The following COG5 variants were observed in gnomAD, a reference collection of about 807,000 sequenced individuals.
COG5 encodes the protein component of oligomeric golgi complex 5, also known as conserved oligomeric Golgi complex subunit 5.
COG5 carries 86 observed loss-of-function variants against 110.4 expected under a neutral mutation model. The ratio of observed to expected loss-of-function variants is 0.78; its 90% CI spans 0.65 to 0.93. COG5 has a LOEUF of 0.93. COG5 is among the 40% of genes least tolerant of loss of function. The pLI is 0.00. For missense variants in COG5, 1,077 were observed against 987.0 expected (o/e 1.09, Z -1.22); for synonymous variants, 360 against 334.6 (o/e 1.08, Z -0.83).
At chr7:107,308,301 T>C (rs1001952686) in intron 11 of COG5, among the ~76,000 whole-genome samples, 1 of 152,166 alleles carries the variant, frequency 6.6e-6, no homozygotes, top group African/African-American at 2.4e-5. Context: ...GTCTTACTCT[T>C]AGAGACTCTA....
chr7:107,480,283 T>C (rs1251995587), intron 6 of COG5, among the ~76,000 whole-genome samples: 1 of 152,112 alleles, frequency 6.6e-6, no homozygotes, highest in Admixed American at 6.6e-5. Flanking sequence ...CATAAAATAA[T>C]GTATTTCTTT....
chr7:107,234,090 C>T (rs1800974509), intron 18 of COG5, among the ~76,000 whole-genome samples: 1 of 152,168 alleles, frequency 6.6e-6, no homozygotes, highest in Admixed American at 6.5e-5. Context: ...AGGACTGGAG[C>T]CATCCCCAAG....
chr7:107,560,314 A>G (rs1478774117), intron 1 of COG5, among the ~76,000 whole-genome samples: 8 of 152,230 alleles, frequency 5.3e-5, no homozygotes, highest in Non-Finnish European at 1.0e-4. Flanking sequence ...CTATGTTAAC[A>G]GCCTAAGACA....
chr7:107,406,591 A>C (rs1791855648), intron 7 of COG5, among the ~76,000 whole-genome samples: 1 of 152,100 alleles, frequency 6.6e-6, no homozygotes, highest in Non-Finnish European at 1.5e-5. Flanking sequence ...TTTAGAAACA[A>C]CTAGGCTAGA....
chr7:107,510,434 T>C (rs569987131), intron 6 of COG5, among the ~76,000 whole-genome samples: 12 of 152,208 alleles, frequency 7.9e-5, no homozygotes, highest in African/African-American at 2.6e-4. Flanking sequence ...CTTAGACTCC[T>C]ACACAATAAT....
At chr7:107,275,196 C>T (rs531589657) in intron 14 of COG5, among the ~76,000 whole-genome samples, 1 of 151,728 alleles carries the variant, frequency 6.6e-6, no homozygotes, top group South Asian at 2.1e-4. Flanking sequence ...GAGGGCCAGG[C>T]GCAGTGGCTC....
chr7:107,512,590 T>G (rs1345274545), intron 6 of COG5, among the ~76,000 whole-genome samples: 5 of 152,120 alleles, frequency 3.3e-5, no homozygotes, highest in African/African-American at 9.7e-5. Flanking sequence ...CATTGCCAAG[T>G]CAATCCTAAG....
chr7:107,240,969 G>T (rs1486928932), intron 17 of COG5, among the ~76,000 whole-genome samples: 1 of 151,880 alleles, frequency 6.6e-6, no homozygotes, highest in East Asian at 1.9e-4. Context: ...AAGCAACTGG[G>T]AAAAAAAATA....
intron 5 of COG5, among the ~76,000 whole-genome samples, chr7:107,533,098 G>T (rs1468635270): frequency 1.3e-5 from 2 of 148,728 alleles, no homozygotes; most frequent in Non-Finnish European, 2.9e-5. Context: ...ACTGTTAGAA[G>T]AAAAACTAAT....
At chr7:107,212,529 T>G (rs1204586739) in intron 19 of COG5, among the ~76,000 whole-genome samples, 2 of 152,260 alleles carry the variant, frequency 1.3e-5, no homozygotes, top group Non-Finnish European at 2.9e-5. Flanking sequence ...AAGTCCTCTG[T>G]ATGGATGACA....
rs1196095235 is a variant in COG5, at chr7:107,283,635, G to T, written c.1411C>A (p.Pro471Thr). Residue 471 changes from proline (P) to threonine (T), a missense_variant, in exon 13 of 22, where the codon CCC becomes ACC. Physicochemically the swap from Pro to Thr is conservative, Grantham distance 38. Transcript: ENST00000297135. ...RLFDPINLVF[P>T]PGGRNPPSSD... ...GAAGGAGGATTACGACCACCCGGGG[G>T]AAAAACCAAGTTGATAGGATCGAAG... 1 of 1,613,900 alleles carries T rather than the reference G, an allele frequency of 6.2e-7. No individual in the cohort carries two copies. The highest frequency in any genetic ancestry group is 1.3e-5 in the African/African-American group (1 of 75,014).
chr7:107,456,707 C>T (rs1412188484), intron 6 of COG5, among the ~76,000 whole-genome samples: 3 of 152,168 alleles, frequency 2.0e-5, no homozygotes, highest in African/African-American at 2.4e-5. Flanking sequence ...TATAAATGTA[C>T]ACAGTGAGAC....
chr7:107,427,647 TCAGCCC>T (rs1793738114), intron 6 of COG5, among the ~76,000 whole-genome samples: 1 of 151,960 alleles, frequency 6.6e-6, no homozygotes, highest in Non-Finnish European at 1.5e-5. Context: ...GAAGCCTCGC[TCAGCCC>T]CAGGCCTGCC....
intron 19 of COG5, among the ~76,000 whole-genome samples, chr7:107,228,969 A>G (rs1339456643): frequency 2.0e-5 from 3 of 152,128 alleles, no homozygotes; most frequent in African/African-American, 7.2e-5. Flanking sequence ...AGTTTCCAGT[A>G]CTGAGTTGGT....
chr7:107,496,129 C>A (rs1380767622), intron 6 of COG5, among the ~76,000 whole-genome samples: 2 of 151,730 alleles, frequency 1.3e-5, no homozygotes, highest in African/African-American at 4.8e-5. Context: ...CAACTCTTCC[C>A]AAAAATTAAA....
chr7:107,244,770 A>G (rs184427346), intron 17 of COG5, among the ~76,000 whole-genome samples: 76 of 152,338 alleles, frequency 5.0e-4, no homozygotes, highest in African/African-American at 1.8e-3. Flanking sequence ...TTCCCTGAAC[A>G]GACTAATAAT....
chr7:107,236,505 A>G lies in COG5; in HGVS notation c.2036T>C (p.Leu679Pro), dbSNP rs975245291. The G allele has an allele frequency of 2.3e-5, 37 of 1,614,094 alleles. No individual in the cohort carries two copies. The highest frequency in any genetic ancestry group is 2.7e-5 in the Non-Finnish European group (32 of 1,180,040). Residue 679 changes from leucine to proline, a missense_variant, in exon 18 of 22, where the codon CTC becomes CCC. Physicochemically the swap from Leu to Pro is moderately conservative, Grantham distance 98. Transcript: ENST00000297135. ...AVELFIRHAS[L>P]IRPLGEGGKM... Reference sequence around the variant, plus strand: ...CCCACCTTCACCAAGAGGTCTTATGAGACTGGCATGGCGGATAAAAAGTTC... The same window carrying G: ...CCCACCTTCACCAAGAGGTCTTATGGGACTGGCATGGCGGATAAAAAGTTC...
intron 6 of COG5, among the ~76,000 whole-genome samples, chr7:107,493,334 T>C (rs1276390723): frequency 2.6e-5 from 4 of 152,174 alleles, no homozygotes; most frequent in African/African-American, 4.8e-5. Context: ...AGTAAGATAC[T>C]ATCCTTTAGC....
chr7:107,535,923 C>A lies in COG5; in HGVS notation c.418-8566G>T, dbSNP rs111832960. ...AAATCCTCAATAAAATACTGGCAAA[C>A]TGAATCCAGCAGCACATTAAAAAGC... On this transcript the variant is annotated intron_variant, in intron 5 of 21. Coordinates refer to ENST00000297135, the MANE Select transcript of COG5 (RefSeq NM_006348.5). 6.6e-5 allele frequency among the ~76,000 whole-genome samples: 10 copies of A among 152,294 alleles called. 3 individuals carry two copies. The highest frequency in any genetic ancestry group is 2.4e-4 in the African/African-American group (10 of 41,566).
Sources: gnomAD v4.1 joint callset for allele counts (sites outside exome capture counted in the v4.1 genomes callset) on GRCh38, gnomAD v4.1.1 for gene constraint, MANE v1.5 for transcripts, NCBI Gene and HGNC (gene_info 2026-07-23, HGNC 2026-07-21) for gene names.